Variants in SATL1 observed in about 807,000 individuals in gnomAD.
SATL1 encodes spermidine/spermine N1-acetyl transferase like 1, also known as spermidine/spermine N(1)-acetyltransferase-like protein 1.
In SATL1, 47 loss-of-function variants were observed where a neutral mutation model predicts 51.8. The observed-to-expected ratio is 0.91, with a 90% CI of 0.72 to 1.16. The LOEUF (loss-of-function observed/expected upper bound fraction) is 1.16. SATL1 is among the 50% of genes most tolerant of loss of function. The pLI, the probability that SATL1 is intolerant of heterozygous loss-of-function variation, is 0.00. For synonymous variants in SATL1, 176 were observed against 182.4 expected (o/e 0.97, Z 0.28); for missense variants, 520 against 526.4 (o/e 0.99, Z 0.12).
intron 2 of SATL1, among the ~76,000 whole-genome samples, chrX:85,214,198 A>G (rs1330856547): frequency 2.7e-5 from 3 of 111,960 alleles, no homozygotes; most frequent in African/African-American, 9.8e-5. Flanking sequence ...TGTACAAGAA[A>G]CATGGCACCA....
At chrX:85,111,996 AG>A (rs1428643880) in intron 2 of SATL1, among the ~76,000 whole-genome samples, 1 of 111,826 alleles carries the variant, frequency 8.9e-6, no homozygotes, top group Non-Finnish European at 1.9e-5. Context: ...AATTAGACTG[AG>A]GGGCATAAGG....
chrX:85,199,359 G>A (rs1243838749), intron 2 of SATL1, among the ~76,000 whole-genome samples: 3 of 111,506 alleles, frequency 2.7e-5, no homozygotes, highest in Non-Finnish European at 5.6e-5. Context: ...TCACTACGGA[G>A]AACGCTTTGG....
intron 2 of SATL1, among the ~76,000 whole-genome samples, chrX:85,171,902 A>G (rs1194027901): frequency 9.0e-6 from 1 of 111,566 alleles, no homozygotes; most frequent in Non-Finnish European, 1.9e-5. Context: ...GCCAAGTTAA[A>G]GAAATTGTTC....
chrX:85,133,640 G>T (rs779450183), intron 2 of SATL1, among the ~76,000 whole-genome samples: 1 of 111,481 alleles, frequency 9.0e-6, no homozygotes, highest in African/African-American at 3.3e-5. Flanking sequence ...GCTTCATCTT[G>T]CCTTCTGTGG....
intron 1 of SATL1, among the ~76,000 whole-genome samples, chrX:85,229,158 C>T (rs1447646530): frequency 2.7e-5 from 3 of 111,730 alleles, no homozygotes; most frequent in Non-Finnish European, 5.7e-5. Context: ...AGGAAAGACA[C>T]TGGATCATTA....
At chrX:85,127,188 T>G (rs2041917020) in intron 2 of SATL1, among the ~76,000 whole-genome samples, 1 of 110,953 alleles carries the variant, frequency 9.0e-6, no homozygotes, top group Non-Finnish European at 1.9e-5. Context: ...TTACTAGTTA[T>G]ATGTTTTTAA....
intron 2 of SATL1, among the ~76,000 whole-genome samples, chrX:85,122,960 T>C (rs1379661381): frequency 1.8e-5 from 2 of 111,680 alleles, no homozygotes; most frequent in African/African-American, 6.5e-5. Context: ...GGCCTCCAGC[T>C]ACATCCATGT....
chrX:85,128,096 A>G (rs1248104004), intron 2 of SATL1, among the ~76,000 whole-genome samples: 3 of 111,791 alleles, frequency 2.7e-5, no homozygotes, highest in South Asian at 3.8e-4. Flanking sequence ...GAATAGTGCC[A>G]CAATAAACAT....
At chrX:85,224,617 C>T (rs1367352232) in intron 1 of SATL1, among the ~76,000 whole-genome samples, 1 of 109,845 alleles carries the variant, frequency 9.1e-6, no homozygotes, top group African/African-American at 3.3e-5. Context: ...GACTCCATTG[C>T]CACTAGTTCT....
intron 2 of SATL1, among the ~76,000 whole-genome samples, chrX:85,110,627 G>A (rs1474155983): frequency 9.0e-6 from 1 of 111,141 alleles, no homozygotes; most frequent in African/African-American, 3.3e-5. Context: ...ATGGGGATGG[G>A]TATCCAAGGC....
chrX:85,152,958 A>T (rs182125338), intron 2 of SATL1, among the ~76,000 whole-genome samples: 1 of 110,268 alleles, frequency 9.1e-6, no homozygotes, highest in African/African-American at 3.3e-5. Flanking sequence ...CCTAAAACTT[A>T]AAGTATAATA....
At chrX:85,201,623 C>T (rs1927689412) in intron 2 of SATL1, among the ~76,000 whole-genome samples, 2 of 111,158 alleles carry the variant, frequency 1.8e-5, no homozygotes, top group South Asian at 7.7e-4. Flanking sequence ...TTCCACCCTC[C>T]CTTCTCAAGT....
chrX:85,207,573 C>T (rs1927814998), intron 2 of SATL1: 1 of 111,414 alleles, frequency 9.0e-6, no homozygotes, highest in Non-Finnish European at 1.9e-5. Context: ...CCTAATGAGC[C>T]CCCTTCACAT....
chrX:85,127,900 G>C (rs978344446), intron 2 of SATL1, among the ~76,000 whole-genome samples: 1 of 110,917 alleles, frequency 9.0e-6, no homozygotes, highest in Non-Finnish European at 1.9e-5. Context: ...GCAGTGTTCG[G>C]TTTTCTGTCC....
chrX:85,135,096 TTC>T (rs753345536), intron 2 of SATL1, among the ~76,000 whole-genome samples: 12 of 111,065 alleles, frequency 1.1e-4, no homozygotes, highest in African/African-American at 3.9e-4. Context: ...ATGCTGCATG[TTC>T]TCACTTACAA....
intron 1 of SATL1, among the ~76,000 whole-genome samples, chrX:85,240,629 T>G (rs1361841723): frequency 9.0e-6 from 1 of 111,487 alleles, no homozygotes; most frequent in Non-Finnish European, 1.9e-5. Flanking sequence ...GGAGTCAATG[T>G]TCTATTTACC....
chrX:85,166,807 T>C (rs915155414), intron 2 of SATL1, among the ~76,000 whole-genome samples: 64 of 108,678 alleles, frequency 5.9e-4, no homozygotes, highest in African/African-American at 1.9e-3. Context: ...AGTCACTATA[T>C]GAAAAAGATA....
intron 2 of SATL1, among the ~76,000 whole-genome samples, chrX:85,136,616 G>T (rs961323015): frequency 8.9e-6 from 1 of 111,840 alleles, no homozygotes; most frequent in Admixed American, 9.5e-5. Context: ...TTAGCAACTA[G>T]TAAGTTATAT....
At chrX:85,160,305 C>G (rs1000534072) in intron 2 of SATL1, among the ~76,000 whole-genome samples, 2 of 111,279 alleles carry the variant, frequency 1.8e-5, no homozygotes, top group African/African-American at 3.3e-5. Context: ...ACCACACTAG[C>G]TCTCCAGCAA....
Sources: allele counts gnomAD v4.1 joint callset (sites outside exome capture counted in the v4.1 genomes callset), GRCh38; gene constraint gnomAD v4.1.1; transcripts MANE v1.5; gene names NCBI Gene and HGNC (gene_info 2026-07-23, HGNC 2026-07-21).